Variants in KIAA1328 observed in about 807,000 individuals in gnomAD.
The protein encoded by KIAA1328 is protein hinderin.
Under a neutral mutation model 68.1 loss-of-function variants are expected in KIAA1328, and 52 were observed. That is an observed-to-expected ratio of 0.76 (90% confidence interval 0.61 to 0.96). The LOEUF is 0.96. Ranked by LOEUF, KIAA1328 falls within the 40% of genes least tolerant of loss-of-function variation. The pLI is 0.00. For missense variants in KIAA1328, 641 were observed against 677.6 expected (o/e 0.95, Z 0.60); for synonymous variants, 232 against 239.4 (o/e 0.97, Z 0.28).
chr18:37,002,257 A>G lies in KIAA1328; in HGVS notation c.576+42822A>G, dbSNP rs1298148457. ...TTTTTTTTTTTTTTTTTGAGACAGT[A>G]TCTCATTCTGTTGTGATCATAGCTC... is the stretch of plus-strand genomic sequence containing the variant. On this transcript the variant is annotated intron_variant, in intron 6 of 9. Coordinates refer to ENST00000280020, the MANE Select transcript of KIAA1328 (RefSeq NM_020776.3). Among the ~76,000 whole-genome samples, 3 of 98,232 alleles carry G rather than the reference A, an allele frequency of 3.1e-5. No individual in the cohort carries two copies. In the East Asian group the frequency reaches 8.0e-4, roughly 26 times the overall value. The allele number at this position is 98,232 out of a possible 152,430, so 64.4% of individuals were successfully genotyped here.
chr18:37,066,439 C>T (rs1280716392), intron 6 of KIAA1328, among the ~76,000 whole-genome samples: 3 of 152,152 alleles, frequency 2.0e-5, no homozygotes, highest in African/African-American at 7.2e-5. Flanking sequence ...ACATTCTATT[C>T]AGTATAAGGT....
At chr18:37,125,080 C>CA (rs2058360341) in intron 7 of KIAA1328, among the ~76,000 whole-genome samples, 1 of 152,098 alleles carries the variant, frequency 6.6e-6, no homozygotes, top group Admixed American at 6.5e-5. Context: ...GTAATCCCAG[C>CA]ATTATGGGAG....
chr18:36,890,948 G>C (rs2048666077), intron 5 of KIAA1328, among the ~76,000 whole-genome samples: 1 of 152,140 alleles, frequency 6.6e-6, no homozygotes, highest in South Asian at 2.1e-4. Flanking sequence ...GCCTCATAAA[G>C]AAGAGCCGAG....
chr18:37,157,254 G>T (rs1483426476), intron 7 of KIAA1328, among the ~76,000 whole-genome samples: 1 of 152,030 alleles, frequency 6.6e-6, no homozygotes, highest in Non-Finnish European at 1.5e-5. Context: ...GACATGGTGA[G>T]AGTTTTTTGT....
intron 1 of KIAA1328, among the ~76,000 whole-genome samples, chr18:36,830,677 C>G (rs1310241661): frequency 1.3e-5 from 2 of 152,194 alleles, no homozygotes. Context: ...AGTACTTTCA[C>G]TTACTCATGT....
At chr18:36,835,415 A>G (rs1159109612) in intron 3 of KIAA1328, 39 bp downstream of exon 3, 1 of 1,582,126 alleles carries the variant, frequency 6.3e-7, no homozygotes, top group East Asian at 2.3e-5. Flanking sequence ...CTTGCTCTCC[A>G]GTCTTTATGA....
chr18:37,071,057 CTTTTTTTTTT>C lies in KIAA1328; in HGVS notation c.1232+3530_1232+3539del, dbSNP rs58722044. 1.0e-4 allele frequency among the ~76,000 whole-genome samples: 9 copies of C among 86,836 alleles called. No individual in the cohort carries two copies. In the South Asian group the frequency reaches 1.5e-3, roughly 15 times the overall value. The allele number at this position is 86,836 out of a possible 152,430, so 57.0% of individuals were successfully genotyped here. A position where few individuals can be genotyped will look rare whatever the true frequency, so the allele number is the denominator to read the frequency against. On this transcript the variant is annotated intron_variant, in intron 7 of 9. Coordinates refer to ENST00000280020, the MANE Select transcript of KIAA1328 (RefSeq NM_020776.3). ...TTTTTTGTTTTTGATTTTTTTCTTCCTTTTTTTTTTTTTTTTTTTTTTTTTTTGGTTTGAC... is the reference window on the plus strand; with the variant it reads ...TTTTTTGTTTTTGATTTTTTTCTTCCTTTTTTTTTTTTTTTTTGGTTTGAC...
intron 7 of KIAA1328, among the ~76,000 whole-genome samples, chr18:37,111,943 T>G (rs947461017): frequency 4.6e-5 from 7 of 152,176 alleles, no homozygotes; most frequent in Admixed American, 1.3e-4. Context: ...CAGTCTGAGT[T>G]CAAACTGCAA....
intron 5 of KIAA1328, among the ~76,000 whole-genome samples, chr18:36,912,107 T>C (rs1328869770): frequency 6.6e-6 from 1 of 152,192 alleles, no homozygotes; most frequent in Non-Finnish European, 1.5e-5. Flanking sequence ...CAAGTTAAAA[T>C]TTTCTGTTTA....
At chr18:37,027,045 GT>G (rs761044149) in intron 6 of KIAA1328, among the ~76,000 whole-genome samples, 137 of 152,180 alleles carry the variant, frequency 9.0e-4, no homozygotes, top group Non-Finnish European at 1.6e-3. Flanking sequence ...CAAAATCAAT[GT>G]GCAAAAATCA....
chr18:37,019,659 A>G (rs908297474), intron 6 of KIAA1328, among the ~76,000 whole-genome samples: 1 of 152,238 alleles, frequency 6.6e-6, no homozygotes, highest in Non-Finnish European at 1.5e-5. Context: ...TGGGTGTTCC[A>G]GATGTCTTGA....
chr18:36,855,783 T>A (rs2047362622), intron 4 of KIAA1328, among the ~76,000 whole-genome samples: 2 of 151,816 alleles, frequency 1.3e-5, no homozygotes, highest in Non-Finnish European at 2.9e-5. Flanking sequence ...ACTATTATAT[T>A]TAAGTATTTA....
chr18:37,043,343 A>T (rs2055335407), intron 6 of KIAA1328, among the ~76,000 whole-genome samples: 1 of 151,988 alleles, frequency 6.6e-6, no homozygotes. Flanking sequence ...TTATTTGAAA[A>T]CTGGACATTT....
At chr18:37,198,091 A>G (rs1490292260) in intron 9 of KIAA1328, among the ~76,000 whole-genome samples, 3 of 152,178 alleles carry the variant, frequency 2.0e-5, no homozygotes, top group African/African-American at 4.8e-5. Flanking sequence ...ACAAAAGGCC[A>G]TATAGTATAT....
At chr18:36,989,956 G>C (rs570504394) in intron 6 of KIAA1328, among the ~76,000 whole-genome samples, 299 of 152,276 alleles carry the variant, frequency 2.0e-3, no homozygotes, top group Middle Eastern at 0.01. Flanking sequence ...GCCTCCCAAA[G>C]TGCTGGGAGT....
intron 4 of KIAA1328, among the ~76,000 whole-genome samples, chr18:36,862,690 A>G (rs1047605716): frequency 6.6e-6 from 1 of 152,160 alleles, no homozygotes; most frequent in African/African-American, 2.4e-5. Flanking sequence ...TGAACATCAC[A>G]TTTTAATTTC....
intron 4 of KIAA1328, among the ~76,000 whole-genome samples, chr18:36,845,978 C>T (rs185946700): frequency 4.0e-5 from 6 of 151,690 alleles, no homozygotes; most frequent in Admixed American, 3.3e-4. Flanking sequence ...TGCTTATATA[C>T]TGCTAAAGAA....
intron 7 of KIAA1328, among the ~76,000 whole-genome samples, chr18:37,120,631 C>T (rs532842078): frequency 2.2e-4 from 33 of 152,160 alleles, no homozygotes; most frequent in African/African-American, 7.7e-4. Context: ...AGAACCAGCC[C>T]AGAAACTCTC....
At chr18:37,090,373 C>T (rs2057234221) in intron 7 of KIAA1328, among the ~76,000 whole-genome samples, 1 of 152,118 alleles carries the variant, frequency 6.6e-6, no homozygotes, top group South Asian at 2.1e-4. Flanking sequence ...ATGGATCATT[C>T]TCGTAACCAT....
Sources: gnomAD v4.1 joint callset for allele counts (sites outside exome capture counted in the v4.1 genomes callset) on GRCh38, gnomAD v4.1.1 for gene constraint, MANE v1.5 for transcripts, NCBI Gene and HGNC (gene_info 2026-07-23, HGNC 2026-07-21) for gene names.